Variants in PVT1 observed in about 807,000 individuals in gnomAD.
PVT1 encodes CXCR4/PVT1 fusion.
At chr8:127,971,184 C>T (rs1400421871) in intron 3 of PVT1, among the ~76,000 whole-genome samples, 1 of 152,230 alleles carries the variant, frequency 6.6e-6, no homozygotes, top group African/African-American at 2.4e-5. Context: ...GGAGGGCAGA[C>T]AGTTTCTCAT....
intron 2 of PVT1, among the ~76,000 whole-genome samples, chr8:127,857,230 A>T (rs1226137065): frequency 6.6e-6 from 1 of 152,148 alleles, no homozygotes; most frequent in Non-Finnish European, 1.5e-5. Context: ...TGCCTAAAAA[A>T]TAATAATAAT....
chr8:127,929,316 C>T (rs997044792), intron 3 of PVT1, among the ~76,000 whole-genome samples: 2 of 151,726 alleles, frequency 1.3e-5, no homozygotes, highest in African/African-American at 4.8e-5. Context: ...CTAGAACCCT[C>T]CCTAAGCCAT....
At chr8:128,023,030 C>A (rs1453614992) in intron 4 of PVT1, among the ~76,000 whole-genome samples, 2 of 152,076 alleles carry the variant, frequency 1.3e-5, no homozygotes, top group African/African-American at 2.4e-5. Context: ...CCACACCTGG[C>A]TAATTTTTGT....
intron 3 of PVT1, among the ~76,000 whole-genome samples, chr8:127,913,487 TG>T (rs1412020016): frequency 6.6e-6 from 1 of 152,138 alleles, no homozygotes; most frequent in East Asian, 1.9e-4. Context: ...CTGAAGAACG[TG>T]TTTCCATGGG....
chr8:127,861,558 ATG>A (rs936993715), intron 2 of PVT1, among the ~76,000 whole-genome samples: 2 of 126,384 alleles, frequency 1.6e-5, no homozygotes, highest in African/African-American at 2.7e-5. Flanking sequence ...TGTTTTTGAC[ATG>A]TTTTTTTTTT....
intron 5 of PVT1, among the ~76,000 whole-genome samples, chr8:128,071,513 C>T (rs79172193): frequency 1.2e-4 from 18 of 151,240 alleles, no homozygotes; most frequent in African/African-American, 4.1e-4. Context: ...AGACCCCCAT[C>T]TCTATAAAAA....
intron 4 of PVT1, among the ~76,000 whole-genome samples, chr8:128,019,800 A>C (rs1408751026): frequency 1.3e-5 from 2 of 152,338 alleles, no homozygotes; most frequent in Admixed American, 1.3e-4. Context: ...GAATGGCAGC[A>C]GCTTGGCACT....
At chr8:127,902,252 G>T (rs1478499312) in intron 3 of PVT1, among the ~76,000 whole-genome samples, 1 of 152,040 alleles carries the variant, frequency 6.6e-6, no homozygotes, top group African/African-American at 2.4e-5. Flanking sequence ...TGGGATGGTC[G>T]TTCACCCTAC....
chr8:127,820,241 A>G (rs534833195), intron 2 of PVT1, among the ~76,000 whole-genome samples: 1 of 152,322 alleles, frequency 6.6e-6, no homozygotes, highest in East Asian at 1.9e-4. Flanking sequence ...TGTTTACTCC[A>G]GTAGGTCACG....
At chr8:127,937,406 G>A (rs936013017) in intron 3 of PVT1, among the ~76,000 whole-genome samples, 8 of 151,792 alleles carry the variant, frequency 5.3e-5, no homozygotes, top group African/African-American at 1.2e-4. Flanking sequence ...GTGCCATCAC[G>A]CCCAGCTAAT....
At chr8:127,897,432 G>A (rs1487473825) in intron 3 of PVT1, among the ~76,000 whole-genome samples, 2 of 151,808 alleles carry the variant, frequency 1.3e-5, no homozygotes, top group Non-Finnish European at 2.9e-5. Context: ...GAGAAGTTTG[G>A]AAGATGGCCC....
chr8:128,057,276 G>A (rs1813772812), intron 4 of PVT1, among the ~76,000 whole-genome samples: 3 of 152,096 alleles, frequency 2.0e-5, no homozygotes, highest in African/African-American at 4.8e-5. Context: ...TTACCATGTA[G>A]AAAAGGTATT....
At chr8:127,808,518 T>A (rs1414515996) in intron 2 of PVT1, among the ~76,000 whole-genome samples, 2 of 152,076 alleles carry the variant, frequency 1.3e-5, no homozygotes, top group Non-Finnish European at 2.9e-5. Flanking sequence ...AGGTGTTTGG[T>A]CATGGAGGGC....
intron 2 of PVT1, among the ~76,000 whole-genome samples, chr8:127,873,457 A>G (rs1815373389): frequency 6.6e-6 from 1 of 152,164 alleles, no homozygotes; most frequent in South Asian, 2.1e-4. Context: ...CATCATGGCT[A>G]GCTTTCACTT....
intron 3 of PVT1, among the ~76,000 whole-genome samples, chr8:127,928,270 G>A (rs999341019): frequency 1.3e-5 from 2 of 152,140 alleles, no homozygotes; most frequent in Non-Finnish European, 2.9e-5. Flanking sequence ...TTGATAGGTT[G>A]ATTTAACCAG....
intron 4 of PVT1, among the ~76,000 whole-genome samples, chr8:128,064,344 G>A (rs1287803541): frequency 6.6e-6 from 1 of 152,196 alleles, no homozygotes; most frequent in Non-Finnish European, 1.5e-5. Context: ...GCTCACGTGG[G>A]CAGAAGCACA....
chr8:127,843,921 A>T (rs191477034), intron 2 of PVT1, among the ~76,000 whole-genome samples: 9 of 151,930 alleles, frequency 5.9e-5, no homozygotes, highest in African/African-American at 2.2e-4. Flanking sequence ...GGGATTGTTG[A>T]TATTCTTCAT....
chr8:127,946,365 A>G (rs1816421164), intron 3 of PVT1, among the ~76,000 whole-genome samples: 3 of 152,224 alleles, frequency 2.0e-5, no homozygotes. Context: ...AAGTATTTGT[A>G]GGAAGGTGAA....
chr8:127,975,465 C>T (rs532418195), intron 3 of PVT1, among the ~76,000 whole-genome samples: 4 of 152,308 alleles, frequency 2.6e-5, no homozygotes, highest in African/African-American at 9.6e-5. Flanking sequence ...ATTGGCTGCT[C>T]CTCCAGCCAA....
Sources: gnomAD v4.1 joint callset for allele counts (sites outside exome capture counted in the v4.1 genomes callset) on GRCh38, gnomAD v4.1.1 for gene constraint, MANE v1.5 for transcripts, NCBI Gene and HGNC (gene_info 2026-07-23, HGNC 2026-07-21) for gene names.